Variants in EAF2 observed in about 807,000 individuals in gnomAD.
The protein encoded by EAF2 is ELL associated factor 2, also known as ELL-associated factor 2.
A neutral mutation model predicts 29.4 loss-of-function variants in EAF2; 29 were observed. The observed-to-expected ratio is 0.99, with a 90% CI of 0.73 to 1.35. The LOEUF is 1.35. Among genes scored for constraint, EAF2 ranks in the 40% most tolerant of loss-of-function variants. EAF2 has a pLI of 0.00. For missense variants in EAF2, 292 were observed against 312.0 expected (o/e 0.94, Z 0.48); for synonymous variants, 103 against 102.5 (o/e 1.00, Z -0.03).
rs1708335244 is a variant in EAF2 at position 121,837,930 on chromosome 3, T to C, written c.106+2539T>C. Among the ~76,000 whole-genome samples, 3 of 152,180 alleles carry C rather than the reference T, an allele frequency of 2.0e-5. No individual in the cohort carries two copies. The South Asian group carries it at 6.2e-4, about 32-fold the overall frequency. On this transcript the variant is annotated intron_variant, in intron 1 of 5. Transcript: ENST00000273668. Reference sequence around the variant, plus strand: ...AGTAGTACTAGTTTTACTATTTATATCCAGATAAGGCAATGAATTGTGAAA... The same window carrying C: ...AGTAGTACTAGTTTTACTATTTATACCCAGATAAGGCAATGAATTGTGAAA...
At chr3:121,846,382 T>G (rs1708529649) in intron 2 of EAF2, among the ~76,000 whole-genome samples, 1 of 152,208 alleles carries the variant, frequency 6.6e-6, no homozygotes, top group Non-Finnish European at 1.5e-5. Context: ...TGTAGATAAG[T>G]TAATCTTTGT....
intron 2 of EAF2, among the ~76,000 whole-genome samples, chr3:121,848,230 G>T (rs1317299807): frequency 6.6e-6 from 1 of 152,138 alleles, no homozygotes; most frequent in Non-Finnish European, 1.5e-5. Flanking sequence ...CATTAGGTTG[G>T]CAGCAGAGGG....
chr3:121,880,960 T>A (rs1709183006), intron 5 of EAF2, among the ~76,000 whole-genome samples: 1 of 152,198 alleles, frequency 6.6e-6, no homozygotes, highest in Non-Finnish European at 1.5e-5. Context: ...TATCGAATGC[T>A]TTTTCTGCAT....
Position 121,882,820 on chromosome 3 carries a change from C to A in EAF2, c.737-3522C>A, listed in dbSNP as rs1044485697. The stretch of plus-strand genomic sequence containing the variant: ...TTTTTAAGTAAAAATAGTGAAATTT[C>A]TTTTCCTGATGTATCTAAACTAGGA... On this transcript the variant is annotated intron_variant, in intron 5 of 5. Transcript: ENST00000273668. Among the ~76,000 whole-genome samples, 8 of 148,538 alleles carry A rather than the reference C, an allele frequency of 5.4e-5. No individual in the cohort carries two copies. In the East Asian group the frequency reaches 1.2e-3, roughly 22 times the overall value.
At chr3:121,848,493 T>G (rs1331989684) in intron 2 of EAF2, among the ~76,000 whole-genome samples, 4 of 152,214 alleles carry the variant, frequency 2.6e-5, no homozygotes, top group Admixed American at 6.5e-5. Context: ...GAATGCAGCA[T>G]TTAAATCGCA....
chr3:121,843,198 C>G (rs1708464863), intron 1 of EAF2, among the ~76,000 whole-genome samples: 1 of 152,052 alleles, frequency 6.6e-6, no homozygotes, highest in Non-Finnish European at 1.5e-5. Context: ...AGCATGGTGC[C>G]TGGCATGTAG....
At chr3:121,868,745 G>T (rs923475043) in intron 4 of EAF2, among the ~76,000 whole-genome samples, 11 of 152,182 alleles carry the variant, frequency 7.2e-5, no homozygotes, top group Non-Finnish European at 1.6e-4. Context: ...GAACTGAAAA[G>T]AGAAATCTGC....
intron 2 of EAF2, among the ~76,000 whole-genome samples, chr3:121,853,274 G>T (rs1035836404): frequency 3.3e-5 from 5 of 152,106 alleles, no homozygotes; most frequent in African/African-American, 1.2e-4. Context: ...ATTTTGTGAT[G>T]ATCTCAAAAA....
intron 2 of EAF2, among the ~76,000 whole-genome samples, chr3:121,847,634 G>A (rs7618041): frequency 0.37 from 55,862 of 151,960 alleles, 10,784 homozygotes; most frequent in African/African-American, 0.42. Flanking sequence ...GAAAATGAAA[G>A]AGTTGGGGAG....
In EAF2 at chr3:121,886,432, T is replaced by A; in HGVS notation, c.*44T>A. 8.5e-6 allele frequency: 10 copies of A among 1,176,790 alleles called. No individual in the cohort carries two copies. The highest frequency in any genetic ancestry group is 1.0e-5 in the Non-Finnish European group (9 of 870,880). The allele number at this position is 1,176,790 out of a possible 1,614,324, so 72.9% of individuals were successfully genotyped here. A position where few individuals can be genotyped will look rare whatever the true frequency, so the allele number is the denominator to read the frequency against. On this transcript the variant is annotated 3_prime_UTR_variant, in exon 6 of 6. Transcript: ENST00000273668. The stretch of plus-strand genomic sequence containing the variant: ...ATAAAAATTTATACAGCATGTATAA[T>A]TTATTTTGTATTAACAATAAAAATT...
At chr3:121,864,652 CA>C (rs72425467) in intron 4 of EAF2, among the ~76,000 whole-genome samples, 1 of 151,036 alleles carries the variant, frequency 6.6e-6, no homozygotes, top group Non-Finnish European at 1.5e-5. Context: ...CCCATCTCTA[CA>C]AAAAAATGCA....
At chr3:121,848,713 G>T (rs1398057649) in intron 2 of EAF2, among the ~76,000 whole-genome samples, 1 of 152,116 alleles carries the variant, frequency 6.6e-6, no homozygotes, top group Non-Finnish European at 1.5e-5. Flanking sequence ...TACAATGGCA[G>T]TCCCATAAAA....
rs112019370 is a variant in EAF2 at position 121,842,250 on chromosome 3, G to A, written c.107-2203G>A. On this transcript the variant is annotated intron_variant, in intron 1 of 5. Transcript: ENST00000273668. The stretch of plus-strand genomic sequence containing the variant: ...CCACTAGTATAGGCACCCACATAGG[G>A]CATGACGATAACTTATTTATAAATA... Among the ~76,000 whole-genome samples, 50 of 152,228 alleles carry A rather than the reference G, an allele frequency of 3.3e-4. 1 individual carries two copies. Among genetic ancestry groups the A allele is most frequent in the African/African-American group, 8.4e-4 (35 of 41,524 alleles).
intron 5 of EAF2, among the ~76,000 whole-genome samples, chr3:121,884,892 T>C (rs890691646): frequency 6.6e-6 from 1 of 152,208 alleles, no homozygotes; most frequent in Non-Finnish European, 1.5e-5. Context: ...AATATAAGAA[T>C]TTTTTTAACC....
At chr3:121,861,616 CTT>C (rs1708833748) in intron 4 of EAF2, among the ~76,000 whole-genome samples, 1 of 152,102 alleles carries the variant, frequency 6.6e-6, no homozygotes, top group Admixed American at 6.6e-5. Context: ...GGTCTTGACT[CTT>C]TATCCAATTT....
intron 2 of EAF2, among the ~76,000 whole-genome samples, chr3:121,854,251 G>A (rs536916264): frequency 6.7e-6 from 1 of 148,792 alleles, no homozygotes; most frequent in African/African-American, 2.5e-5. Context: ...AGGAGGTGGA[G>A]GTTGCAGTGA....
intron 4 of EAF2, among the ~76,000 whole-genome samples, chr3:121,860,860 G>T (rs1708815826): frequency 6.6e-6 from 1 of 151,716 alleles, no homozygotes; most frequent in Non-Finnish European, 1.5e-5. Flanking sequence ...CAGAGATTCT[G>T]GTATGTTGTG....
intron 4 of EAF2, among the ~76,000 whole-genome samples, chr3:121,864,894 T>C (rs1576650270): frequency 6.6e-6 from 1 of 152,286 alleles, no homozygotes; most frequent in East Asian, 1.9e-4. Flanking sequence ...ACAAGCAGCA[T>C]ATGTTGTATC....
chr3:121,850,696 C>CT (rs1196094577), intron 2 of EAF2, among the ~76,000 whole-genome samples: 6 of 151,992 alleles, frequency 3.9e-5, no homozygotes, highest in South Asian at 2.1e-4. Flanking sequence ...TATTCTTATT[C>CT]TTTTTTTTAT....
Sources: allele counts gnomAD v4.1 joint callset (sites outside exome capture counted in the v4.1 genomes callset), GRCh38; gene constraint gnomAD v4.1.1; transcripts MANE v1.5; gene names NCBI Gene and HGNC (gene_info 2026-07-23, HGNC 2026-07-21).